The following RTL4 variants were observed in gnomAD, a reference collection of about 807,000 sequenced individuals.
RTL4 encodes the protein retrotransposon Gag-like protein 4.
A neutral mutation model predicts 5.3 loss-of-function variants in RTL4; 4 were observed. That is an observed-to-expected ratio of 0.75 (90% CI 0.37 to 1.72). The LOEUF is 1.72. Among genes scored for constraint, RTL4 ranks in the 40% most tolerant of loss-of-function variants. The probability of loss-of-function intolerance (pLI) is 0.04; values close to 1 mark genes in which losing one functional copy is unlikely to be tolerated. For missense variants in RTL4, 260 were observed against 227.1 expected, an observed-to-expected ratio of 1.14 and a Z score of -0.93; for synonymous variants, 98 against 87.3, an observed-to-expected ratio of 1.12 and a Z score of -0.68.
At chrX:112,251,202 A>C in the RTL4 span, among the ~76,000 whole-genome samples, 6 of 112,536 alleles carry the variant, frequency 5.3e-5, no homozygotes, top group Non-Finnish European at 1.1e-4. Context: ...AAATTCTGTC[A>C]ATTTTTACCT....
chrX:112,170,171 A>C, the RTL4 span, among the ~76,000 whole-genome samples: 1 of 111,853 alleles, frequency 8.9e-6, no homozygotes, highest in Non-Finnish European at 1.9e-5. Flanking sequence ...GCCTTGTAGT[A>C]TAGTTTGAAG....
At chrX:112,252,789 C>A in the RTL4 span, among the ~76,000 whole-genome samples, 2 of 111,119 alleles carry the variant, frequency 1.8e-5, no homozygotes, top group South Asian at 7.6e-4. Context: ...TCTTTCTTTG[C>A]TGAAAAACAT....
the RTL4 span, among the ~76,000 whole-genome samples, chrX:112,094,972 G>A: frequency 1.8e-5 from 2 of 111,467 alleles, no homozygotes; most frequent in South Asian, 7.6e-4. Context: ...GTAGGGTCAA[G>A]AGAGGTTGGG....
the RTL4 span, among the ~76,000 whole-genome samples, chrX:112,245,059 G>T: frequency 8.9e-6 from 1 of 112,428 alleles, no homozygotes; most frequent in Non-Finnish European, 1.9e-5. Flanking sequence ...TCTGCCAAGA[G>T]ATCCACTGTT....
chrX:112,326,449 C>T, the RTL4 span, among the ~76,000 whole-genome samples: 1 of 111,545 alleles, frequency 9.0e-6, no homozygotes, highest in Non-Finnish European at 1.9e-5. Context: ...TTCTGACGGG[C>T]TTAAAAAAAC....
At chrX:112,343,465 C>T in the RTL4 span, among the ~76,000 whole-genome samples, 7 of 111,880 alleles carry the variant, frequency 6.3e-5, no homozygotes, top group Non-Finnish European at 9.4e-5. Context: ...TTCTGTAGCA[C>T]GCCAGCACCA....
chrX:112,345,707 G>A, the RTL4 span, among the ~76,000 whole-genome samples: 2 of 110,832 alleles, frequency 1.8e-5, no homozygotes, highest in South Asian at 3.8e-4. Flanking sequence ...GATCCCTCAG[G>A]TACTATTCCC....
chrX:112,245,562 T>G, the RTL4 span, among the ~76,000 whole-genome samples: 1 of 111,980 alleles, frequency 8.9e-6, no homozygotes, highest in Non-Finnish European at 1.9e-5. Flanking sequence ...ATTTAAGGTC[T>G]TCTCTACACT....
the RTL4 span, among the ~76,000 whole-genome samples, chrX:112,422,845 C>T: frequency 9.1e-6 from 1 of 110,415 alleles, no homozygotes; most frequent in African/African-American, 3.3e-5. Flanking sequence ...GTGTTTGCAT[C>T]CTTGGTTATA....
At chrX:112,131,293 C>G in the RTL4 span, among the ~76,000 whole-genome samples, 6 of 107,642 alleles carry the variant, frequency 5.6e-5, no homozygotes, top group Non-Finnish European at 1.1e-4. Context: ...GATAAGGGAA[C>G]TTGTACTGTA....
At chrX:112,352,198 C>A in the RTL4 span, among the ~76,000 whole-genome samples, 1 of 111,347 alleles carries the variant, frequency 9.0e-6, no homozygotes, top group East Asian at 2.8e-4. Flanking sequence ...TATTGGCCCC[C>A]ACTCTCTTCT....
the RTL4 span, among the ~76,000 whole-genome samples, chrX:112,136,033 C>T: frequency 6.4e-4 from 70 of 109,542 alleles, no homozygotes; most frequent in Admixed American, 1.1e-3. Flanking sequence ...CCTCATTGTA[C>T]AAGTATTTTA....
At chrX:112,100,023 G>A in the RTL4 span, among the ~76,000 whole-genome samples, 31 of 111,910 alleles carry the variant, frequency 2.8e-4, no homozygotes, top group Non-Finnish European at 4.9e-4. Context: ...TTTCAGAGGC[G>A]ATAAAATCAA....
At chrX:112,402,149 T>C in the RTL4 span, among the ~76,000 whole-genome samples, 3 of 112,103 alleles carry the variant, frequency 2.7e-5, no homozygotes, top group Non-Finnish European at 5.6e-5. Flanking sequence ...TATGCGGATG[T>C]CTTTATTTTA....
chrX:112,293,306 T>C, the RTL4 span, among the ~76,000 whole-genome samples: 1 of 112,411 alleles, frequency 8.9e-6, no homozygotes, highest in Non-Finnish European at 1.9e-5. Flanking sequence ...CTGAAAACAC[T>C]CATTCCATTA....
At chrX:112,181,913 G>A in the RTL4 span, among the ~76,000 whole-genome samples, 1 of 111,636 alleles carries the variant, frequency 9.0e-6, no homozygotes, top group African/African-American at 3.3e-5. Context: ...GGGATTGACA[G>A]GCACTTCATA....
At chrX:112,106,884 G>C in the RTL4 span, among the ~76,000 whole-genome samples, 1 of 111,359 alleles carries the variant, frequency 9.0e-6, no homozygotes, top group Non-Finnish European at 1.9e-5. Flanking sequence ...TTGCTATTTA[G>C]TTGTTTGAGT....
chrX:112,175,400 C>T, the RTL4 span, among the ~76,000 whole-genome samples: 3 of 107,879 alleles, frequency 2.8e-5, no homozygotes, highest in African/African-American at 1.0e-4. Flanking sequence ...AGATATGTGG[C>T]GTTATTTCTG....
the RTL4 span, among the ~76,000 whole-genome samples, chrX:112,251,590 T>C: frequency 8.9e-6 from 1 of 111,748 alleles, no homozygotes; most frequent in African/African-American, 3.3e-5. Flanking sequence ...TAATTTTGTC[T>C]ATCTTTGACT....
Sources: gnomAD v4.1 joint callset for allele counts (sites outside exome capture counted in the v4.1 genomes callset) on GRCh38, gnomAD v4.1.1 for gene constraint, MANE v1.5 for transcripts, NCBI Gene and HGNC (gene_info 2026-07-23, HGNC 2026-07-21) for gene names.